The following LRRC37A2 variants were observed in gnomAD, a reference collection of about 807,000 sequenced individuals.
The protein encoded by LRRC37A2 is leucine-rich repeat-containing protein 37A2.
A neutral mutation model predicts 68.8 loss-of-function variants in LRRC37A2; 9 were observed. The observed-to-expected ratio is 0.13, with a 90% CI of 0.08 to 0.23. The LOEUF (loss-of-function observed/expected upper bound fraction) is 0.23. Among genes scored for constraint, LRRC37A2 ranks in the 10% least tolerant of loss-of-function variants. The pLI is 1.00. For missense variants in LRRC37A2, 168 were observed against 950.4 expected (o/e 0.18, Z 10.82); for synonymous variants, 63 against 367.6 (o/e 0.17, Z 9.48).
the LRRC37A2 span, among the ~76,000 whole-genome samples, chr17:46,954,248 A>G: frequency 6.6e-6 from 1 of 152,220 alleles, no homozygotes; most frequent in Non-Finnish European, 1.5e-5. Context: ...TCAGCTTTCT[A>G]CATATGGCTA....
the LRRC37A2 span, among the ~76,000 whole-genome samples, chr17:46,794,842 C>G: frequency 6.6e-6 from 1 of 151,692 alleles, no homozygotes; most frequent in Non-Finnish European, 1.5e-5. Flanking sequence ...CCTGCACCTC[C>G]CAGGTTCAAG....
the LRRC37A2 span, chr17:46,872,643 C>T: frequency 1.2e-6 from 2 of 1,613,490 alleles, no homozygotes; most frequent in Non-Finnish European, 1.7e-6. Context: ...AGCAGCTCTG[C>T]CGGAGGGAGC....
the LRRC37A2 span, among the ~76,000 whole-genome samples, chr17:46,791,216 T>C: frequency 6.6e-6 from 1 of 150,934 alleles, no homozygotes; most frequent in Non-Finnish European, 1.5e-5. Flanking sequence ...CTTTCCTTAC[T>C]CTTTTTTTTT....
At chr17:46,765,612 CCATCCCTGCCAGTG>C in the LRRC37A2 span, among the ~76,000 whole-genome samples, 1 of 152,258 alleles carries the variant, frequency 6.6e-6, no homozygotes, top group Admixed American at 6.5e-5. Flanking sequence ...CTGTCCCCTG[CCATCCCTGCCAGTG>C]CATCCCGCAG....
At chr17:47,032,526 T>C in the LRRC37A2 span, among the ~76,000 whole-genome samples, 1 of 152,164 alleles carries the variant, frequency 6.6e-6, no homozygotes, top group Non-Finnish European at 1.5e-5. Context: ...GTGTGCATTG[T>C]ATCTTACTTT....
chr17:46,750,614 A>G, the LRRC37A2 span, among the ~76,000 whole-genome samples: 1 of 152,338 alleles, frequency 6.6e-6, no homozygotes, highest in Admixed American at 6.5e-5. Flanking sequence ...TATACATGAC[A>G]GTGAGTTAAT....
At chr17:46,941,976 C>A in the LRRC37A2 span, 1 of 984,150 alleles carries the variant, frequency 1.0e-6, no homozygotes, top group African/African-American at 1.7e-5. Context: ...GTGTAAAGAG[C>A]AAAACTTGTT....
chr17:46,922,182 A>G, the LRRC37A2 span, among the ~76,000 whole-genome samples: 1 of 152,214 alleles, frequency 6.6e-6, no homozygotes, highest in African/African-American at 2.4e-5. Context: ...TGTCCTTTGT[A>G]GGGACACGGA....
rs1392369832 is a variant in LRRC37A2, at chr17:46,541,698, AAAC to A, written c.3053+823_3053+825del. Among the ~76,000 whole-genome samples the A allele has an allele frequency of 9.3e-5, 14 of 150,966 alleles. 2 individuals carry two copies. Among genetic ancestry groups the A allele is most frequent in the African/African-American group, 3.5e-4 (14 of 40,328 alleles). ...ATATTTGGAAAAAATAAAATATATA[AAAC>A]AACAATACAACAATAAAAGCAGTAG... On this transcript the variant is annotated intron_variant, in intron 8 of 14. Coordinates refer to ENST00000576629, the Ensembl canonical transcript of LRRC37A2.
At chr17:46,925,530 G>A in the LRRC37A2 span, among the ~76,000 whole-genome samples, 1 of 152,174 alleles carries the variant, frequency 6.6e-6, no homozygotes, top group South Asian at 2.1e-4. Flanking sequence ...TTCCTCATCT[G>A]TAGAATGATA....
At chr17:46,794,902 C>G in the LRRC37A2 span, among the ~76,000 whole-genome samples, 2 of 152,016 alleles carry the variant, frequency 1.3e-5, no homozygotes, top group Non-Finnish European at 2.9e-5. Flanking sequence ...AGGCACCCAC[C>G]ACCATGCTTG....
chr17:46,787,878 C>T, the LRRC37A2 span, among the ~76,000 whole-genome samples: 3 of 151,756 alleles, frequency 2.0e-5, no homozygotes, highest in African/African-American at 7.3e-5. Context: ...ATCGCTTGAA[C>T]CTGGGAGGCA....
At chr17:47,023,783 C>T in the LRRC37A2 span, among the ~76,000 whole-genome samples, 1 of 152,076 alleles carries the variant, frequency 6.6e-6, no homozygotes, top group Non-Finnish European at 1.5e-5. Flanking sequence ...TTAGTAGAGA[C>T]AGGGTTTCAC....
chr17:46,832,880 G>A, the LRRC37A2 span: 413 of 164,876 alleles, frequency 2.5e-3, 1 homozygote, highest in African/African-American at 9.5e-3. Context: ...TCCAGGTTAG[G>A]GGGGTGAGGT....
chr17:46,729,952 C>T, the LRRC37A2 span, among the ~76,000 whole-genome samples: 3 of 151,920 alleles, frequency 2.0e-5, no homozygotes, highest in Non-Finnish European at 4.4e-5. Context: ...ATTTTTAAAT[C>T]AGCTTTTCAT....
the LRRC37A2 span, chr17:46,932,448 C>A: frequency 1.7e-6 from 1 of 601,206 alleles, no homozygotes; most frequent in Non-Finnish European, 3.0e-6. Flanking sequence ...GTGAAAATTA[C>A]CTGGTTGGGC....
the LRRC37A2 span, among the ~76,000 whole-genome samples, chr17:46,613,104 C>CA: frequency 0.067 from 2,215 of 33,004 alleles, 65 homozygotes; most frequent in Middle Eastern, 0.2. Context: ...CTTGTTTCTA[C>CA]AAAAAAAAAA....
chr17:46,793,543 A>T, the LRRC37A2 span, among the ~76,000 whole-genome samples: 1 of 152,138 alleles, frequency 6.6e-6, no homozygotes, highest in Non-Finnish European at 1.5e-5. Context: ...CCCACGCCCA[A>T]GGCATTGCAG....
the LRRC37A2 span, among the ~76,000 whole-genome samples, chr17:46,868,812 G>A: frequency 2.0e-5 from 3 of 152,274 alleles, no homozygotes; most frequent in South Asian, 2.1e-4. Context: ...AGGGGATGAC[G>A]TTGTTCCTGC....
Sources: gnomAD v4.1 joint callset for allele counts (sites outside exome capture counted in the v4.1 genomes callset) on GRCh38, gnomAD v4.1.1 for gene constraint, MANE v1.5 for transcripts, NCBI Gene and HGNC (gene_info 2026-07-23, HGNC 2026-07-21) for gene names.